MAGI2: variants seen among roughly 807,000 people sequenced by gnomAD.
MAGI2 encodes membrane-associated guanylate kinase, WW and PDZ domain-containing protein 2.
In MAGI2, 35 loss-of-function variants were observed where a neutral mutation model predicts 133.3. The ratio of observed to expected loss-of-function variants is 0.26; its 90% CI spans 0.20 to 0.35. The LOEUF (loss-of-function observed/expected upper bound fraction) is 0.35. MAGI2 is among the 10% of genes least tolerant of loss of function. The probability of loss-of-function intolerance (pLI) is 1.00; values close to 1 mark genes in which losing one functional copy is unlikely to be tolerated. For missense variants in MAGI2, 1,636 were observed against 1,863.4 expected, an observed-to-expected ratio of 0.88 and a Z score of 2.25; for synonymous variants, 729 against 710.6, an observed-to-expected ratio of 1.03 and a Z score of -0.41.
At chr7:78,207,212 C>G (rs184908419) in intron 10 of MAGI2, among the ~76,000 whole-genome samples, 1 of 143,892 alleles carries the variant, frequency 6.9e-6, no homozygotes, top group African/African-American at 2.6e-5. Context: ...CCCACACAGA[C>G]CTTTCTACCT....
At chr7:79,271,899 G>A (rs1463729605) in intron 1 of MAGI2, among the ~76,000 whole-genome samples, 6 of 151,968 alleles carry the variant, frequency 3.9e-5, no homozygotes, top group Non-Finnish European at 1.5e-5. Flanking sequence ...GTCTTCAAAG[G>A]ATTCTGATTT....
chr7:78,318,913 T>G (rs1787703590), intron 9 of MAGI2, among the ~76,000 whole-genome samples: 1 of 152,068 alleles, frequency 6.6e-6, no homozygotes, highest in Non-Finnish European at 1.5e-5. Flanking sequence ...GACAAGCAAA[T>G]GGTGACAGAT....
chr7:78,938,464 G>A (rs1432062536), intron 2 of MAGI2, among the ~76,000 whole-genome samples: 1 of 151,896 alleles, frequency 6.6e-6, no homozygotes, highest in Non-Finnish European at 1.5e-5. Flanking sequence ...ATATATTTTT[G>A]TTTATATTTC....
intron 9 of MAGI2, among the ~76,000 whole-genome samples, chr7:78,283,189 T>G (rs750486405): frequency 1.3e-5 from 2 of 152,104 alleles, no homozygotes; most frequent in Non-Finnish European, 2.9e-5. Context: ...AATTTGAATA[T>G]TCTAAAACTT....
chr7:78,722,748 A>T (rs1247105718), intron 2 of MAGI2, among the ~76,000 whole-genome samples: 1 of 152,102 alleles, frequency 6.6e-6, no homozygotes, highest in Non-Finnish European at 1.5e-5. Context: ...GATATTAAGG[A>T]CAATTAAATA....
intron 9 of MAGI2, among the ~76,000 whole-genome samples, chr7:78,269,651 T>C (rs1794369670): frequency 6.6e-6 from 1 of 152,208 alleles, no homozygotes; most frequent in African/African-American, 2.4e-5. Flanking sequence ...CTTACACATT[T>C]GTTTAAGTCT....
chr7:78,507,056 G>A (rs1010886969), intron 4 of MAGI2, among the ~76,000 whole-genome samples: 2 of 152,094 alleles, frequency 1.3e-5, no homozygotes, highest in Non-Finnish European at 2.9e-5. Flanking sequence ...CATTAAAGTA[G>A]CAAACATGAA....
intron 7 of MAGI2, among the ~76,000 whole-genome samples, chr7:78,350,720 G>A (rs1005569135): frequency 1.3e-5 from 2 of 152,140 alleles, no homozygotes; most frequent in South Asian, 2.1e-4. Flanking sequence ...CTGTTTGCCT[G>A]CCATTTTCTT....
intron 2 of MAGI2, among the ~76,000 whole-genome samples, chr7:78,985,816 G>A (rs371514959): frequency 6.6e-6 from 1 of 152,042 alleles, no homozygotes. Flanking sequence ...AGAATAATTA[G>A]GAGAGGATAT....
intron 9 of MAGI2, among the ~76,000 whole-genome samples, chr7:78,334,614 G>A (rs752267802): frequency 1.3e-5 from 2 of 152,192 alleles, no homozygotes; most frequent in African/African-American, 4.8e-5. Context: ...CATAGGCTTG[G>A]ATGGGAGAGG....
intron 9 of MAGI2, among the ~76,000 whole-genome samples, chr7:78,274,326 G>A (rs1794854137): frequency 6.6e-6 from 1 of 152,142 alleles, no homozygotes; most frequent in Admixed American, 6.5e-5. Flanking sequence ...ATCCCAGAGG[G>A]GCACCTGCAG....
At chr7:78,801,839 T>C (rs1788084510) in intron 2 of MAGI2, among the ~76,000 whole-genome samples, 1 of 152,166 alleles carries the variant, frequency 6.6e-6, no homozygotes, top group African/African-American at 2.4e-5. Flanking sequence ...GATGCTACTA[T>C]TATCCCTTCT....
rs1315451557 is a variant in MAGI2, at chr7:78,938,714, A to C, written c.418+68376T>G. ...CTTGTAATCTCTTTATGCCATGTAC[A>C]AGCTTTATTAGCAATTAAGACATAT... On this transcript the variant is annotated intron_variant, in intron 2 of 21. Coordinates refer to ENST00000354212, the MANE Select transcript of MAGI2 (RefSeq NM_012301.4). 6.6e-5 allele frequency among the ~76,000 whole-genome samples: 10 copies of C among 152,168 alleles called. No homozygotes were observed. In the East Asian group the frequency reaches 1.7e-3, roughly 26 times the overall value.
intron 1 of MAGI2, among the ~76,000 whole-genome samples, chr7:79,105,622 T>C (rs1818386639): frequency 6.6e-6 from 1 of 152,186 alleles, no homozygotes; most frequent in African/African-American, 2.4e-5. Context: ...CCACCAGCTG[T>C]TATACAGTTA....
chr7:79,042,931 C>A (rs983822071), intron 1 of MAGI2, among the ~76,000 whole-genome samples: 1 of 151,894 alleles, frequency 6.6e-6, no homozygotes, highest in African/African-American at 2.4e-5. Flanking sequence ...CCAAGAAGAC[C>A]CCTCAAAACT....
intron 1 of MAGI2, among the ~76,000 whole-genome samples, chr7:79,291,892 A>G (rs9886064): frequency 0.016 from 2,459 of 152,246 alleles, 55 homozygotes; most frequent in African/African-American, 0.058. Flanking sequence ...ATGGTGTCCT[A>G]TAAAGCAATT....
intron 2 of MAGI2, among the ~76,000 whole-genome samples, chr7:78,638,074 A>G (rs57226749): frequency 6.6e-6 from 1 of 152,064 alleles, no homozygotes; most frequent in Non-Finnish European, 1.5e-5. Flanking sequence ...AGAAAAAAAT[A>G]AAAAGAAAAG....
chr7:79,445,993 AG>A (rs1563232125), intron 1 of MAGI2, among the ~76,000 whole-genome samples: 1 of 152,250 alleles, frequency 6.6e-6, no homozygotes, highest in African/African-American at 2.4e-5. Context: ...GCCACAAAAA[AG>A]GATGAGTTCA....
chr7:78,125,586 G>A lies in MAGI2; in HGVS notation c.3567+108C>T. 5 of 1,160,962 alleles carry A rather than the reference G, an allele frequency of 4.3e-6. No individual in the cohort carries two copies. The Admixed American group carries it at 7.2e-5, about 17-fold the overall frequency. The allele number at this position is 1,160,962 out of a possible 1,614,324, so 71.9% of individuals were successfully genotyped here. A position where few individuals can be genotyped will look rare whatever the true frequency, so the allele number is the denominator to read the frequency against. ...TGGGTCATCATCAACTAGAAAGAGGGCAAACCTACAGCAACCCCGCTTGAC... is the reference window on the plus strand; with the variant it reads ...TGGGTCATCATCAACTAGAAAGAGGACAAACCTACAGCAACCCCGCTTGAC... On this transcript the variant is annotated intron_variant, in intron 20 of 21. Coordinates refer to ENST00000354212, the MANE Select transcript of MAGI2 (RefSeq NM_012301.4).
Sources: allele counts gnomAD v4.1 joint callset (sites outside exome capture counted in the v4.1 genomes callset), GRCh38; gene constraint gnomAD v4.1.1; transcripts MANE v1.5; gene names NCBI Gene and HGNC (gene_info 2026-07-23, HGNC 2026-07-21).